Variants in MYORG observed in about 807,000 individuals in gnomAD.
The protein encoded by MYORG is alpha-galactosidase MYORG.
In MYORG, 45 loss-of-function variants were observed where a neutral mutation model predicts 49.8. That is an observed-to-expected ratio of 0.90 (90% CI 0.71 to 1.16). The LOEUF is 1.16. Among genes scored for constraint, MYORG ranks in the 50% most tolerant of loss-of-function variants. The pLI, the probability that MYORG is intolerant of heterozygous loss-of-function variation, is 0.00. For missense variants in MYORG, 1,110 were observed against 1,026.5 expected, an observed-to-expected ratio of 1.08 and a Z score of -1.11; for synonymous variants, 552 against 462.9, an observed-to-expected ratio of 1.19 and a Z score of -2.47.
Position 34,372,497 on chromosome 9 carries a change from A to C in MYORG, c.447T>G (p.Thr149=). ...ACATGACCGTGTCCTTGGGCCGCACAGTCTGGATGAAGAAGTGCAGCGGCA... is the reference window on the plus strand; with the variant it reads ...ACATGACCGTGTCCTTGGGCCGCACCGTCTGGATGAAGAAGTGCAGCGGCA... The part of the protein sequence containing the change: ...DGLPLHFFIQ[T]VRPKDTVMCY... The change falls in exon 2 of 2, where the codon ACT becomes ACG. Residue 149 remains threonine, a synonymous_variant. Coordinates refer to ENST00000297625, the MANE Select transcript of MYORG (RefSeq NM_020702.5). The C allele has an allele frequency of 5.0e-6, 8 of 1,600,650 alleles. No homozygotes were observed. The highest frequency in any genetic ancestry group is 6.8e-6 in the Non-Finnish European group (8 of 1,174,602).
Position 34,371,293 on chromosome 9 carries a change from G to A in MYORG, c.1651C>T (p.Pro551Ser), listed in dbSNP as rs183012275. 1.1e-5 allele frequency: 18 copies of A among 1,611,580 alleles called. No homozygotes were observed. The Admixed American group carries it at 2.8e-4, about 25-fold the overall frequency. ...VSMLGYPFIL[P>S]DMVGGNAVPQ... is the part of the protein sequence containing the mutation. Reference sequence around the variant, plus strand: ...ACGGCGTTGCCGCCCACCATATCGGGTAGGATGAATGGGTAGCCCAGCATG... The same window carrying A: ...ACGGCGTTGCCGCCCACCATATCGGATAGGATGAATGGGTAGCCCAGCATG... Residue 551 changes from proline (P) to serine (S), a missense_variant, in exon 2 of 2, where the codon CCC becomes TCC. By Grantham distance (74) the Pro-to-Ser change is moderately conservative. Coordinates refer to ENST00000297625, the MANE Select transcript of MYORG (RefSeq NM_020702.5).
In MYORG at chr9:34,371,116, G is replaced by A. The variant is rs200864041; in HGVS notation, c.1828C>T (p.Leu610=). The change falls in exon 2 of 2, where the codon CTG becomes TTG. Residue 610 remains leucine, a synonymous_variant. Coordinates refer to ENST00000297625, the MANE Select transcript of MYORG (RefSeq NM_020702.5). ...AGCGGTGCCACAAGCGAGGCCCGCA[G>A]GGCGGCGAACTTCTGCGCGATGGCC... ...VVAIAQKFAA[L]RASLVAPLLL... The A allele has an allele frequency of 6.2e-7, 1 of 1,608,126 alleles. No individual in the cohort carries two copies.
In MYORG at chr9:34,372,617, C is replaced by A. The variant is rs552439888; in HGVS notation, c.327G>T (p.Gln109His). 13 of 1,605,450 alleles carry A rather than the reference C, an allele frequency of 8.1e-6. No individual in the cohort carries two copies. In the East Asian group the frequency reaches 2.9e-4, roughly 36 times the overall value. Residue 109 changes from glutamine to histidine, a missense_variant, in exon 2 of 2, where the codon CAG becomes CAT. Gln to His is a conservative substitution (Grantham distance 24). Coordinates refer to ENST00000297625, the MANE Select transcript of MYORG (RefSeq NM_020702.5). ...CGGAGCGGAAGGCCAGGCGGAAGAC[C>A]TGCTCTCCCTTCTGATTGCGGATGG... ...GFSIRNQKGE[Q>H]VFRLAFRSGA...
chr9:34,370,631 CCCTAGG>C lies in MYORG; in HGVS notation c.*162_*167del. On this transcript the variant is annotated 3_prime_UTR_variant, in exon 2 of 2. Coordinates refer to ENST00000297625, the MANE Select transcript of MYORG (RefSeq NM_020702.5). ...GCAGGAGATTGCTTCAGTGCCCCCT[CCCTAGG>C]CCCCACCTTCAGCAGCTGGTTCCAG... 7.8e-7 allele frequency: 1 copy of C among 1,289,784 alleles called. No homozygotes were observed. Among genetic ancestry groups the C allele is most frequent in the Non-Finnish European group, 1.0e-6 (1 of 961,046 alleles). 79.9% of individuals were successfully genotyped at this position (1,289,784 alleles called of 1,614,324 possible). A position where few individuals can be genotyped will look rare whatever the true frequency, so the allele number is the denominator to read the frequency against.
At position 34,370,810 on chromosome 9, in the gene MYORG, A is replaced by C. The variant is rs1820577598; in HGVS notation, c.2134T>G (p.Trp712Gly). The stretch of plus-strand genomic sequence containing the variant: ...GGCCCTGGGCTGGGTCAGGACGCCC[A>C]GGTAAAGTAGGCGATCTCATCCAGG... ...VDLDEIAYFTWAS is the reference protein window; with the variant it reads ...VDLDEIAYFTGAS The change falls in exon 2 of 2, where the codon TGG (tryptophan) becomes GGG (glycine). Residue 712 changes from tryptophan to glycine, a missense_variant. Physicochemically the swap from Trp to Gly is radical, Grantham distance 184. Coordinates refer to ENST00000297625, the MANE Select transcript of MYORG (RefSeq NM_020702.5). 1.9e-6 allele frequency: 3 copies of C among 1,578,686 alleles called. No homozygotes were observed.
chr9:34,368,096 G>A lies in MYORG; in HGVS notation c.*2703C>T, dbSNP rs1253110539. On this transcript the variant is annotated 3_prime_UTR_variant, in exon 2 of 2. Coordinates refer to ENST00000297625, the MANE Select transcript of MYORG (RefSeq NM_020702.5). The stretch of plus-strand genomic sequence containing the variant: ...GGGGCTTGCACCCTCTGAAGCCAAG[G>A]CCTGAGCTGTATCTTGGCCCCTTTT... The A allele has an allele frequency of 2.0e-5, 3 of 152,288 alleles. No homozygotes were observed. The highest frequency in any genetic ancestry group is 4.4e-5 in the Non-Finnish European group (3 of 68,068). The allele number at this position is 152,288 out of a possible 1,614,324, so 9.4% of individuals were successfully genotyped here.
rs376738539 is a variant in MYORG, at chr9:34,374,729, CA to C, written c.-63-1724del. Among the ~76,000 whole-genome samples the C allele has an allele frequency of 5.9e-4, 76 of 128,752 alleles. No homozygotes were observed. The East Asian group carries it at 0.013, about 23-fold the overall frequency. 84.5% of individuals were successfully genotyped at this position (128,752 alleles called of 152,430 possible). A position where few individuals can be genotyped will look rare whatever the true frequency, so the allele number is the denominator to read the frequency against. The stretch of plus-strand genomic sequence containing the variant: ...CAACATGTTGAAACCCTGTCTCTAC[CA>C]AAAATACAAAAAAAAAAAAAAATTA... On this transcript the variant is annotated intron_variant, in intron 1 of 1. Coordinates refer to ENST00000297625, the MANE Select transcript of MYORG (RefSeq NM_020702.5).
Position 34,372,345 on chromosome 9 carries a change from A to C in MYORG, c.599T>G (p.Leu200Arg), listed in dbSNP as rs1820629560. 4 of 1,600,726 alleles carry C rather than the reference A, an allele frequency of 2.5e-6. No homozygotes were observed. Among genetic ancestry groups the C allele is most frequent in the South Asian group, 2.2e-5 (2 of 89,204 alleles). ...EMRTQHWPIRLDGQQEPQPFV... is the reference protein window; with the variant it reads ...EMRTQHWPIRRDGQQEPQPFV... ...CGGCTGGGGCTCCTGCTGGCCATCCAGGCGGATGGGCCAGTGTTGCGTCCT... is the reference window on the plus strand; with the variant it reads ...CGGCTGGGGCTCCTGCTGGCCATCCCGGCGGATGGGCCAGTGTTGCGTCCT... The change falls in exon 2 of 2, where the codon CTG becomes CGG. Residue 200 changes from leucine to arginine, a missense_variant. Physicochemically the swap from Leu to Arg is moderately radical, Grantham distance 102. Coordinates refer to ENST00000297625, the MANE Select transcript of MYORG (RefSeq NM_020702.5).
chr9:34,373,373 G>A (rs1484144867), intron 1 of MYORG, among the ~76,000 whole-genome samples: 2 of 152,142 alleles, frequency 1.3e-5, no homozygotes, highest in Non-Finnish European at 2.9e-5. Context: ...CTGAAGAGAC[G>A]GGAAAGGAAC....
At chr9:34,375,162 T>C (rs1164547621) in intron 1 of MYORG, among the ~76,000 whole-genome samples, 5 of 152,150 alleles carry the variant, frequency 3.3e-5, no homozygotes, top group Non-Finnish European at 7.3e-5. Context: ...TGCCAGTGTC[T>C]GTCTCTAAGT....
chr9:34,374,816 C>A (rs1424742892), intron 1 of MYORG, among the ~76,000 whole-genome samples: 1 of 149,258 alleles, frequency 6.7e-6, no homozygotes, highest in Non-Finnish European at 1.5e-5. Context: ...GTGGGAGGGT[C>A]GCTTGAGCCC....
chr9:34,371,449 A>G lies in MYORG; in HGVS notation c.1495T>C (p.Ser499Pro). The change falls in exon 2 of 2, where the codon TCG (serine) becomes CCG (proline). Residue 499 changes from serine (S) to proline (P), a missense_variant. Coordinates refer to ENST00000297625, the MANE Select transcript of MYORG (RefSeq NM_020702.5). ...TAGCCTACGCGCACCTCCGCCAGCG[A>G]GAAGAAGGGCAGCGCCATCTCAGTG... ...RYTEMALPFF[S>P]LAEVRVGYQS... 6.2e-7 allele frequency: 1 copy of G among 1,612,956 alleles called. No homozygotes were observed. The highest frequency in any genetic ancestry group is 8.5e-7 in the Non-Finnish European group (1 of 1,179,754).
intron 1 of MYORG, among the ~76,000 whole-genome samples, chr9:34,375,209 G>C (rs1820701247): frequency 6.6e-6 from 1 of 152,114 alleles, no homozygotes; most frequent in African/African-American, 2.4e-5. Context: ...GAAATACTCA[G>C]GTTTTTCACC....
At position 34,371,828 on chromosome 9, in the gene MYORG, G is replaced by A. The variant is rs773122688; in HGVS notation, c.1116C>T (p.Asn372=). Residue 372 remains asparagine (N), a synonymous_variant, in exon 2 of 2, where the codon AAC becomes AAT. Transcript: ENST00000297625. ...DFDFDEVKFP[N]ASDMFRRLRD... Reference sequence around the variant, plus strand: ...GCAGGCGGCGGAACATGTCGCTGGCGTTGGGGAATTTGACCTCATCGAAGT... The same window carrying A: ...GCAGGCGGCGGAACATGTCGCTGGCATTGGGGAATTTGACCTCATCGAAGT... 33 of 1,613,956 alleles carry A rather than the reference G, an allele frequency of 2.0e-5. No individual in the cohort carries two copies. Among genetic ancestry groups the A allele is most frequent in the Admixed American group, 1.8e-4 (11 of 60,016 alleles).
rs199770930 is a variant in MYORG, at chr9:34,371,310, C to T, written c.1634G>A (p.Gly545Asp). 2.0e-4 allele frequency: 315 copies of T among 1,611,924 alleles called. No homozygotes were observed. The highest frequency in any genetic ancestry group is 2.6e-4 in the Non-Finnish European group (305 of 1,179,384). ...IPAVLTVSML[G>D]YPFILPDMVG... ...CATATCGGGTAGGATGAATGGGTAG[C>T]CCAGCATGCTGACGGTGAGCACCGC... Residue 545 changes from glycine to aspartate, a missense_variant, in exon 2 of 2, where the codon GGC becomes GAC. By Grantham distance (94) the Gly-to-Asp change is moderately conservative. Coordinates refer to ENST00000297625, the MANE Select transcript of MYORG (RefSeq NM_020702.5).
intron 1 of MYORG, among the ~76,000 whole-genome samples, chr9:34,374,944 G>A (rs1169498185): frequency 6.6e-6 from 1 of 150,474 alleles, no homozygotes; most frequent in African/African-American, 2.4e-5. Context: ...GGGAAACACA[G>A]GCTCAGGGGA....
In MYORG at chr9:34,371,156, G is replaced by C. The variant is rs772374648; in HGVS notation, c.1788C>G (p.Tyr596Ter). The change falls in exon 2 of 2, where the codon TAC (tyrosine) becomes TAG (stop). Residue 596 changes from tyrosine (Y) to a stop codon, truncating the protein, a stop_gained. Transcript: ENST00000297625. LOFTEE classifies it high-confidence loss of function. ...AMQFSIPPWR[Y>*]DAEVVAIAQK... ...GCGCGATGGCCACCACTTCCGCGTC[G>C]TAGCGCCAGGGCGGGATAGAGAACT... 3 of 1,608,546 alleles carry C rather than the reference G, an allele frequency of 1.9e-6. No homozygotes were observed. The highest frequency in any genetic ancestry group is 8.5e-7 in the Non-Finnish European group (1 of 1,176,500).
rs751113708 is a variant in MYORG at position 34,372,890 on chromosome 9, AGGCCG to A, written c.49_53del (p.Arg17TrpfsTer105). The A allele has an allele frequency of 1.2e-6, 2 of 1,613,932 alleles. No homozygotes were observed. The highest frequency in any genetic ancestry group is 1.7e-5 in the Admixed American group (1 of 60,024). On this transcript the variant is annotated frameshift_variant, in exon 2 of 2. Transcript: ENST00000297625. LOFTEE classifies it high-confidence loss of function. ...GGTTCTGACGGTATGCGTAGCAGCC[AGGCCG>A]GCGGCGGCGGGGGTAGGCCTGGCTC...
At chr9:34,374,225 T>G (rs1820685377) in intron 1 of MYORG, among the ~76,000 whole-genome samples, 1 of 152,178 alleles carries the variant, frequency 6.6e-6, no homozygotes, top group African/African-American at 2.4e-5. Flanking sequence ...TGACTCTAAC[T>G]TCTTTCTCAC....
Sources: gnomAD v4.1 joint callset for allele counts (sites outside exome capture counted in the v4.1 genomes callset) on GRCh38, gnomAD v4.1.1 for gene constraint, MANE v1.5 for transcripts, NCBI Gene and HGNC (gene_info 2026-07-23, HGNC 2026-07-21) for gene names.